CSMD1: variants seen among roughly 807,000 people sequenced by gnomAD.
CSMD1 encodes CUB and Sushi multiple domains 1, also known as CUB and sushi domain-containing protein 1.
A neutral mutation model predicts 417.5 loss-of-function variants in CSMD1; 213 were observed. That is an observed-to-expected ratio of 0.51 (90% CI 0.46 to 0.57). The LOEUF is 0.57. CSMD1 is among the 20% of genes least tolerant of loss of function. The pLI is 0.00. For synonymous variants in CSMD1, 2,862 were observed against 1,736.8 expected (o/e 1.65, Z -16.11); for missense variants, 6,923 against 4,529.7 (o/e 1.53, Z -15.17).
intron 1 of CSMD1, among the ~76,000 whole-genome samples, chr8:4,872,145 A>T (rs1802770437): frequency 6.6e-6 from 1 of 152,162 alleles, no homozygotes; most frequent in African/African-American, 2.4e-5. Flanking sequence ...TGTATTGAAT[A>T]TGTAGCAAAT....
At chr8:4,605,851 G>A (rs985997857) in intron 2 of CSMD1, among the ~76,000 whole-genome samples, 18 of 152,118 alleles carry the variant, frequency 1.2e-4, no homozygotes, top group African/African-American at 2.4e-4. Context: ...TCTAATTGCC[G>A]TGTCAAATTC....
At chr8:3,655,740 G>C (rs140027140) in intron 7 of CSMD1, among the ~76,000 whole-genome samples, 1 of 150,068 alleles carries the variant, frequency 6.7e-6, no homozygotes, top group East Asian at 2.0e-4. Flanking sequence ...GCACAAACAT[G>C]CTCATTGGGA....
chr8:4,795,188 C>T (rs1389105213), intron 1 of CSMD1, among the ~76,000 whole-genome samples: 6 of 147,210 alleles, frequency 4.1e-5, no homozygotes, highest in East Asian at 4.0e-4. Flanking sequence ...GGTGAAAAGA[C>T]GCTTAACCAG....
At chr8:4,005,762 A>T (rs1816062414) in intron 4 of CSMD1, among the ~76,000 whole-genome samples, 1 of 152,164 alleles carries the variant, frequency 6.6e-6, no homozygotes, top group Non-Finnish European at 1.5e-5. Flanking sequence ...GTATACAAGC[A>T]AACATTAACA....
At chr8:4,321,916 T>TA (rs1405443855) in intron 3 of CSMD1, among the ~76,000 whole-genome samples, 1 of 152,118 alleles carries the variant, frequency 6.6e-6, no homozygotes, top group Non-Finnish European at 1.5e-5. Context: ...TGCCTTTTAT[T>TA]ACAGTATATT....
intron 5 of CSMD1, among the ~76,000 whole-genome samples, chr8:3,984,256 C>G (rs536044487): frequency 2.0e-5 from 3 of 152,230 alleles, no homozygotes; most frequent in Non-Finnish European, 2.9e-5. Context: ...GCAAGCTTAA[C>G]TTCAAATGTC....
chr8:4,088,612 C>T (rs1733308035), intron 3 of CSMD1, among the ~76,000 whole-genome samples: 1 of 152,266 alleles, frequency 6.6e-6, no homozygotes. Context: ...TCTCTCTCCC[C>T]TTCCCACCCA....
chr8:3,716,315 G>C (rs939050742), intron 6 of CSMD1, among the ~76,000 whole-genome samples: 5 of 152,148 alleles, frequency 3.3e-5, no homozygotes, highest in Non-Finnish European at 7.4e-5. Flanking sequence ...GTGAAAGCAA[G>C]TTTATTGAGA....
rs374312812 is a variant in CSMD1 at position 4,847,063 on chromosome 8, C to G, written c.85+147269G>C. Among the ~76,000 whole-genome samples, 5 of 151,968 alleles carry G rather than the reference C, an allele frequency of 3.3e-5. No homozygotes were observed. The South Asian group carries it at 6.2e-4, about 19-fold the overall frequency. On this transcript the variant is annotated intron_variant, in intron 1 of 69. Coordinates refer to ENST00000635120, the MANE Select transcript of CSMD1 (RefSeq NM_033225.6). ...CATTCTTGTTCTGATAATTGGCGAA[C>G]TTTGTCAAAATAGGGCACCACGCTC...
rs565005896 is a variant in CSMD1, at chr8:4,181,400, G to T, written c.416-149301C>A. 2.6e-5 allele frequency among the ~76,000 whole-genome samples: 4 copies of T among 151,652 alleles called. 1 individual carries two copies. The South Asian group carries it at 6.3e-4, about 24-fold the overall frequency. On this transcript the variant is annotated intron_variant, in intron 3 of 69. Transcript: ENST00000635120. Reference sequence around the variant, plus strand: ...TTTGAATGCTTAAACTATAAGGCAGGGTTCTCCAATCTTTTGGCTTCCCTG... The same window carrying T: ...TTTGAATGCTTAAACTATAAGGCAGTGTTCTCCAATCTTTTGGCTTCCCTG...
At chr8:3,278,894 A>C (rs1249955603) in intron 26 of CSMD1, 1 of 152,212 alleles carries the variant, frequency 6.6e-6, no homozygotes, top group Non-Finnish European at 1.5e-5. Flanking sequence ...ATAACAGCCC[A>C]GTTTCTTCCT....
intron 3 of CSMD1, among the ~76,000 whole-genome samples, chr8:4,304,526 G>C (rs1237094488): frequency 6.6e-6 from 1 of 152,114 alleles, no homozygotes; most frequent in Non-Finnish European, 1.5e-5. Context: ...TGTCAGGACT[G>C]GGCCACCTGC....
At chr8:4,178,868 A>G (rs1798199100) in intron 3 of CSMD1, among the ~76,000 whole-genome samples, 1 of 152,188 alleles carries the variant, frequency 6.6e-6, no homozygotes, top group Non-Finnish European at 1.5e-5. Context: ...TCCAACTTAC[A>G]AGGGATGAGA....
intron 10 of CSMD1, among the ~76,000 whole-genome samples, chr8:3,536,267 G>C (rs922247085): frequency 1.3e-5 from 2 of 152,208 alleles, no homozygotes; most frequent in Non-Finnish European, 2.9e-5. Flanking sequence ...ATAAGTTTGT[G>C]TGTATGACAG....
At chr8:3,847,726 C>G (rs1356545542) in intron 5 of CSMD1, among the ~76,000 whole-genome samples, 1 of 152,134 alleles carries the variant, frequency 6.6e-6, no homozygotes, top group Non-Finnish European at 1.5e-5. Flanking sequence ...TATAGCAAGT[C>G]TCAATCCCTG....
At chr8:3,933,177 C>A (rs945721612) in intron 5 of CSMD1, among the ~76,000 whole-genome samples, 1 of 135,634 alleles carries the variant, frequency 7.4e-6, no homozygotes, top group South Asian at 2.5e-4. Context: ...CGTGGTAATA[C>A]CTAGTGAATC....
intron 1 of CSMD1, among the ~76,000 whole-genome samples, chr8:4,858,490 C>T (rs543867427): frequency 0.023 from 3,524 of 151,122 alleles, 128 homozygotes; most frequent in African/African-American, 0.082. Context: ...TGTTTGCAGA[C>T]GACATGATTG....
At chr8:4,551,375 C>G (rs189815478) in intron 2 of CSMD1, among the ~76,000 whole-genome samples, 1 of 152,298 alleles carries the variant, frequency 6.6e-6, no homozygotes, top group East Asian at 1.9e-4. Flanking sequence ...CATCCACTAC[C>G]CTTAATTCTC....
intron 23 of CSMD1, among the ~76,000 whole-genome samples, chr8:3,331,229 C>G (rs1403021761): frequency 7.9e-6 from 1 of 127,370 alleles, no homozygotes; most frequent in Non-Finnish European, 1.6e-5. Context: ...CAGAACGAGA[C>G]TCCGTCTCAA....
Sources: gnomAD v4.1 joint callset for allele counts (sites outside exome capture counted in the v4.1 genomes callset) on GRCh38, gnomAD v4.1.1 for gene constraint, MANE v1.5 for transcripts, NCBI Gene and HGNC (gene_info 2026-07-23, HGNC 2026-07-21) for gene names.